MET: variants seen among roughly 807,000 people sequenced by gnomAD.
MET encodes the protein hepatocyte growth factor receptor.
A neutral mutation model predicts 133.1 loss-of-function variants in MET; 48 were observed. The ratio of observed to expected loss-of-function variants is 0.36; its 90% CI spans 0.29 to 0.46. MET has a LOEUF of 0.46. Ranked by LOEUF, MET falls within the 20% of genes least tolerant of loss-of-function variation. MET has a pLI of 1.00. For synonymous variants in MET, 628 were observed against 616.5 expected, an observed-to-expected ratio of 1.02 and a Z score of -0.28; for missense variants, 1,442 against 1,695.9, an observed-to-expected ratio of 0.85 and a Z score of 2.63.
chr7:116,770,754 T>A (rs1458596964), intron 12 of MET, among the ~76,000 whole-genome samples: 1 of 152,236 alleles, frequency 6.6e-6, no homozygotes, highest in East Asian at 1.9e-4. Flanking sequence ...ATCCACGTTG[T>A]AGCCTGTGTC....
In MET at chr7:116,794,256, A is replaced by G. The variant is rs539592745; in HGVS notation, c.3799-1399A>G. 2.0e-5 allele frequency among the ~76,000 whole-genome samples: 3 copies of G among 152,196 alleles called. No individual in the cohort carries two copies. The South Asian group carries it at 6.2e-4, about 32-fold the overall frequency. On this transcript the variant is annotated intron_variant, in intron 19 of 20. Transcript: ENST00000397752. Reference sequence around the variant, plus strand: ...CCTACTCGTATGTGATCAAGGGTCAATTGATACTTGTTAAATTGATTTTAA... The same window carrying G: ...CCTACTCGTATGTGATCAAGGGTCAGTTGATACTTGTTAAATTGATTTTAA...
chr7:116,678,356 G>C (rs2116458324), intron 1 of MET, among the ~76,000 whole-genome samples: 1 of 152,186 alleles, frequency 6.6e-6, no homozygotes, highest in East Asian at 1.9e-4. Flanking sequence ...TTCCTGTTTT[G>C]AAATGGTCTC....
At chr7:116,707,902 A>C (rs1316353233) in intron 2 of MET, among the ~76,000 whole-genome samples, 1 of 152,312 alleles carries the variant, frequency 6.6e-6, no homozygotes. Context: ...GTTTAAGCCA[A>C]GTGCTAGAAG....
intron 2 of MET, among the ~76,000 whole-genome samples, chr7:116,717,973 A>G (rs965907913): frequency 6.6e-6 from 1 of 152,240 alleles, no homozygotes; most frequent in Non-Finnish European, 1.5e-5. Context: ...AAGGAAGACT[A>G]GATTAATTGA....
intron 5 of MET, among the ~76,000 whole-genome samples, chr7:116,744,720 C>T (rs1277559477): frequency 6.6e-6 from 1 of 152,126 alleles, no homozygotes. Flanking sequence ...AGAAGAGCAA[C>T]ACCAAGACAC....
At position 116,782,089 on chromosome 7, in the gene MET, A is replaced by G; in HGVS notation, c.3624A>G (p.Arg1208=). 1 of 1,606,960 alleles carries G rather than the reference A, an allele frequency of 6.2e-7. No individual in the cohort carries two copies. The highest frequency in any genetic ancestry group is 8.5e-7 in the Non-Finnish European group (1 of 1,173,864). ...TTGTCCACAGAGACTTGGCTGCAAG[A>G]AACTGTATGTAAGTATCAGAATCTC... ...KKFVHRDLAA[R]NCMLDEKFTV... The change falls in exon 18 of 21, where the codon AGA becomes AGG. Residue 1208 remains arginine, a synonymous_variant. Coordinates refer to ENST00000397752, the MANE Select transcript of MET (RefSeq NM_000245.4).
At position 116,699,405 on chromosome 7, in the gene MET, A is replaced by T. The variant is rs1040920548; in HGVS notation, c.321A>T (p.Leu107Phe). 2 of 1,614,086 alleles carry T rather than the reference A, an allele frequency of 1.2e-6. No individual in the cohort carries two copies. Among genetic ancestry groups the T allele is most frequent in the African/African-American group, 1.3e-5 (1 of 75,038 alleles). Residue 107 changes from leucine (L) to phenylalanine (F), a missense_variant, in exon 2 of 21, where the codon TTA becomes TTT. Physicochemically the swap from Leu to Phe is conservative, Grantham distance 22. This residue lies in a region of MET where 762 missense variants were observed against 792.4 expected (regional missense o/e 0.96). Transcript: ENST00000397752. Reference protein sequence around the residue: ...PCQDCSSKANLSGGVWKDNIN... With the variant: ...PCQDCSSKANFSGGVWKDNIN... ...AGGACTGCAGCAGCAAAGCCAATTT[A>T]TCAGGAGGTGTTTGGAAAGATAACA...
chr7:116,680,931 G>C (rs1796333654), intron 1 of MET, among the ~76,000 whole-genome samples: 1 of 152,132 alleles, frequency 6.6e-6, no homozygotes, highest in African/African-American at 2.4e-5. Flanking sequence ...GACAAAGAGA[G>C]ACCCTGTCTC....
At chr7:116,733,849 T>C (rs1411904121) in intron 3 of MET, among the ~76,000 whole-genome samples, 1 of 152,176 alleles carries the variant, frequency 6.6e-6, no homozygotes, top group East Asian at 1.9e-4. Flanking sequence ...TAAATTTTAG[T>C]AGGAAAGATA....
chr7:116,756,282 A>T (rs1382579634), intron 6 of MET, among the ~76,000 whole-genome samples: 1 of 151,958 alleles, frequency 6.6e-6, no homozygotes, highest in East Asian at 1.9e-4. Context: ...TCCAGAAATT[A>T]TTCATTATCA....
chr7:116,730,875 G>A lies in MET; in HGVS notation c.1201-793G>A, dbSNP rs1273199339. The stretch of plus-strand genomic sequence containing the variant: ...TACTTGAGTGATGTTATCTACAAGT[G>A]CTGGGCTCTTTGTTTGTTTGTTTTG... On this transcript the variant is annotated intron_variant, in intron 2 of 20. Transcript: ENST00000397752. 3.3e-5 allele frequency among the ~76,000 whole-genome samples: 5 copies of A among 152,142 alleles called. No individual in the cohort carries two copies. The East Asian group carries it at 9.6e-4, about 29-fold the overall frequency.
Position 116,757,976 on chromosome 7 carries a change from G to A in MET, c.2102+202G>A, listed in dbSNP as rs1425078851. On this transcript the variant is annotated intron_variant, in intron 8 of 20. Transcript: ENST00000397752. ...TTTTCTTCCTTTCTCTTGTTTTTTA[G>A]CAATCCTACTTTTCAGTTTTGTCTT... is the stretch of plus-strand genomic sequence containing the variant. The A allele has an allele frequency of 1.1e-5, 7 of 628,530 alleles. No individual in the cohort carries two copies. The East Asian group carries it at 1.4e-4, about 13-fold the overall frequency. The allele number at this position is 628,530 out of a possible 1,614,324, so 38.9% of individuals were successfully genotyped here.
intron 2 of MET, among the ~76,000 whole-genome samples, chr7:116,709,280 A>G (rs1465558921): frequency 6.6e-6 from 1 of 152,218 alleles, no homozygotes; most frequent in African/African-American, 2.4e-5. Context: ...TATGTCTTGT[A>G]GGGAAGGCAC....
chr7:116,787,245 G>A (rs567639477), intron 19 of MET, among the ~76,000 whole-genome samples: 1 of 152,172 alleles, frequency 6.6e-6, no homozygotes, highest in Non-Finnish European at 1.5e-5. Context: ...GAAGGCAAAA[G>A]ATAGGGAGAA....
chr7:116,774,401 A>G (rs1256190349), intron 14 of MET, among the ~76,000 whole-genome samples: 1 of 152,224 alleles, frequency 6.6e-6, no homozygotes, highest in Non-Finnish European at 1.5e-5. Context: ...TATAGCCATT[A>G]TTTATTTCTA....
chr7:116,696,048 T>C (rs888926684), intron 1 of MET, among the ~76,000 whole-genome samples: 4 of 152,008 alleles, frequency 2.6e-5, no homozygotes, highest in African/African-American at 9.7e-5. Flanking sequence ...AATTTTTTTG[T>C]AGTAGAGATG....
At chr7:116,722,443 A>G (rs1792531643) in intron 2 of MET, among the ~76,000 whole-genome samples, 3 of 151,156 alleles carry the variant, frequency 2.0e-5, no homozygotes, top group Non-Finnish European at 3.0e-5. Context: ...CCAATTTGCC[A>G]GTCTGTGTGT....
intron 1 of MET, among the ~76,000 whole-genome samples, chr7:116,681,339 C>T (rs1340143336): frequency 2.1e-5 from 3 of 145,030 alleles, no homozygotes; most frequent in Non-Finnish European, 4.7e-5. Context: ...AAAGGTTTTA[C>T]ACCATTTTCA....
rs753349495 is a variant in MET at position 116,678,480 on chromosome 7, C to T, written c.-15+5903C>T. On this transcript the variant is annotated intron_variant, in intron 1 of 20. Transcript: ENST00000397752. The stretch of plus-strand genomic sequence containing the variant: ...TTGGGGAATAACTGTTTGATAAGAC[C>T]GTGGAAGATTTCTAATTTTTAATAT... 1.5e-4 allele frequency among the ~76,000 whole-genome samples: 22 copies of T among 151,568 alleles called. 1 individual carries two copies. The highest frequency in any genetic ancestry group is 1.2e-4 in the Non-Finnish European group (8 of 67,952).
Sources: gnomAD v4.1 joint callset for allele counts (sites outside exome capture counted in the v4.1 genomes callset) on GRCh38, gnomAD v4.1.1 for gene constraint, gnomAD v4.1.1 regional missense constraint, MANE v1.5 for transcripts, NCBI Gene and HGNC (gene_info 2026-07-23, HGNC 2026-07-21) for gene names.